CMAS: variants seen among roughly 807,000 people sequenced by gnomAD.
The protein encoded by CMAS is cytidine monophosphate N-acetylneuraminic acid synthetase, also known as N-acylneuraminate cytidylyltransferase.
CMAS carries 21 observed loss-of-function variants against 53.4 expected under a neutral mutation model. That is an observed-to-expected ratio of 0.39 (90% CI 0.28 to 0.57). The LOEUF is 0.57. Among genes scored for constraint, CMAS ranks in the 20% least tolerant of loss-of-function variants. The pLI is 0.56. For missense variants in CMAS, 384 were observed against 534.9 expected, an observed-to-expected ratio of 0.72 and a Z score of 2.78; for synonymous variants, 189 against 195.2, an observed-to-expected ratio of 0.97 and a Z score of 0.27.
At position 22,046,578 on chromosome 12, in the gene CMAS, G is replaced by C. The variant is rs1591791143; in HGVS notation, c.260+15G>C. The C allele has an allele frequency of 6.5e-7, 1 of 1,527,070 alleles. No homozygotes were observed. Among genetic ancestry groups the C allele is most frequent in the Non-Finnish European group, 8.8e-7 (1 of 1,136,954 alleles). The allele number at this position is 1,527,070 out of a possible 1,614,324, so 94.6% of individuals were successfully genotyped here. A position where few individuals can be genotyped will look rare whatever the true frequency, so the allele number is the denominator to read the frequency against. On this transcript the variant is annotated intron_variant, in intron 1 of 7. Coordinates refer to ENST00000229329, the MANE Select transcript of CMAS (RefSeq NM_018686.6). The stretch of plus-strand genomic sequence containing the variant: ...GCCTTCCAGAGGTGCGCATGTGCGA[G>C]AGTGGGCGGCGCGGCCTGGGCGGGG...
In CMAS at chr12:22,058,630, A is replaced by G. The variant is rs776078946; in HGVS notation, c.623A>G (p.Asp208Gly). 7 of 1,613,806 alleles carry G rather than the reference A, an allele frequency of 4.3e-6. No individual in the cohort carries two copies. In the South Asian group the frequency reaches 7.7e-5, roughly 18 times the overall value. Residue 208 changes from aspartate (D) to glycine (G), a missense_variant, in exon 4 of 8, where the codon GAT (aspartate) becomes GGT (glycine). By Grantham distance (94) the Asp-to-Gly change is moderately conservative. This residue lies in a region of CMAS where 139 missense variants were observed against 248.0 expected (regional missense o/e 0.56). Coordinates refer to ENST00000229329, the MANE Select transcript of CMAS (RefSeq NM_018686.6). Reference protein sequence around the residue: ...PAKRPRRQDWDGELYENGSFY... With the variant: ...PAKRPRRQDWGGELYENGSFY... The stretch of plus-strand genomic sequence containing the variant: ...AAACGGCCTCGTCGACAAGACTGGG[A>G]TGGAGAATTATATGAAAATGGCTCA...
chr12:22,061,927 A>AAGAG (rs1950310684), intron 6 of CMAS, among the ~76,000 whole-genome samples: 1 of 152,216 alleles, frequency 6.6e-6, no homozygotes, highest in Non-Finnish European at 1.5e-5. Context: ...TAAGCAGCAC[A>AAGAG]AGAGAGAGGT....
rs538123718 is a variant in CMAS at position 22,046,654 on chromosome 12, C to T, written c.260+91C>T. 1.5e-4 allele frequency: 201 copies of T among 1,352,282 alleles called. No homozygotes were observed. In the African/African-American group the frequency reaches 2.7e-3, roughly 18 times the overall value. The allele number at this position is 1,352,282 out of a possible 1,614,324, so 83.8% of individuals were successfully genotyped here. A position where few individuals can be genotyped will look rare whatever the true frequency, so the allele number is the denominator to read the frequency against. The stretch of plus-strand genomic sequence containing the variant: ...GAGGGGCTGGGGCCTCCGGGGCCAC[C>T]GCTCTTGGAAGGGGGCCATCTCTCA... On this transcript the variant is annotated intron_variant, in intron 1 of 7. Transcript: ENST00000229329.
chr12:22,051,834 CTT>C (rs1950240591), intron 1 of CMAS, among the ~76,000 whole-genome samples: 1 of 151,390 alleles, frequency 6.6e-6, no homozygotes, highest in Non-Finnish European at 1.5e-5. Flanking sequence ...GTAGATGTTA[CTT>C]TATTACCATT....
chr12:22,054,034 C>T (rs1324759446), intron 1 of CMAS, among the ~76,000 whole-genome samples: 1 of 151,628 alleles, frequency 6.6e-6, no homozygotes, highest in Non-Finnish European at 1.5e-5. Context: ...TCAAGCGATC[C>T]TCCTGTCTCA....
In CMAS at chr12:22,046,445, C is replaced by A. The variant is rs775094849; in HGVS notation, c.142C>A (p.Leu48Ile). ...GVEKPPHLAALILARGGSKGI... is the reference protein window; with the variant it reads ...GVEKPPHLAAIILARGGSKGI... ...GGAGAAGCCCCCGCACCTGGCAGCCCTAATTCTGGCCCGGGGAGGCAGCAA... is the reference window on the plus strand; with the variant it reads ...GGAGAAGCCCCCGCACCTGGCAGCCATAATTCTGGCCCGGGGAGGCAGCAA... The change falls in exon 1 of 8, where the codon CTA becomes ATA. Residue 48 changes from leucine to isoleucine, a missense_variant. Transcript: ENST00000229329. The A allele has an allele frequency of 1.4e-5, 22 of 1,609,870 alleles. No individual in the cohort carries two copies. The highest frequency in any genetic ancestry group is 2.2e-5 in the East Asian group (1 of 44,664).
chr12:22,060,712 T>C, intron 4 of CMAS, 120 bp from the exon 5 acceptor site: 1 of 597,714 alleles, frequency 1.7e-6, no homozygotes, highest in South Asian at 2.4e-5. Context: ...TGATTTTTAC[T>C]GGGTTATTCA....
intron 4 of CMAS, among the ~76,000 whole-genome samples, chr12:22,060,043 G>A (rs1356561733): frequency 1.3e-5 from 2 of 151,980 alleles, no homozygotes; most frequent in African/African-American, 2.4e-5. Context: ...CTGTACAACA[G>A]ATGCTACAGT....
chr12:22,051,294 T>C (rs1950238451), intron 1 of CMAS, among the ~76,000 whole-genome samples: 1 of 152,258 alleles, frequency 6.6e-6, no homozygotes, highest in Non-Finnish European at 1.5e-5. Context: ...CAGTGCTGTG[T>C]AAGTAAACCT....
chr12:22,063,675 A>AT (rs960923522), intron 7 of CMAS: 13 of 152,046 alleles, frequency 8.6e-5, no homozygotes, highest in African/African-American at 2.9e-4. Context: ...TTTTGCTTCT[A>AT]TTTTTTAAAA....
intron 6 of CMAS, 75 bp downstream of exon 6, chr12:22,061,527 G>T (rs1411628440): frequency 1.4e-5 from 15 of 1,075,812 alleles, no homozygotes; most frequent in Non-Finnish European, 1.7e-5. Flanking sequence ...GGAATTAAGA[G>T]ATTTAAATTT....
At chr12:22,055,023 C>T in intron 1 of CMAS, 126 bp from the exon 2 acceptor site, 2 of 579,150 alleles carry the variant, frequency 3.5e-6, no homozygotes, top group Admixed American at 3.7e-5. Flanking sequence ...GGATCTGTAA[C>T]ATTATTATCA....
chr12:22,047,963 G>A (rs1028000609), intron 1 of CMAS, among the ~76,000 whole-genome samples: 4 of 152,130 alleles, frequency 2.6e-5, no homozygotes, highest in Non-Finnish European at 5.9e-5. Context: ...AGTAAATGGA[G>A]AACAAAACTG....
chr12:22,062,257 A>G (rs1453540322), intron 6 of CMAS, 24 bp from the exon 7 acceptor site: 2 of 1,453,754 alleles, frequency 1.4e-6, no homozygotes, highest in African/African-American at 1.7e-5. Flanking sequence ...TCTTCCTCCA[A>G]TCCTTTTTTT....
At chr12:22,062,243 C>T in intron 6 of CMAS, 38 bp from the exon 7 acceptor site, 1 of 1,532,070 alleles carries the variant, frequency 6.5e-7, no homozygotes, top group South Asian at 1.2e-5. Flanking sequence ...TTTAATTTTT[C>T]CCTTCTTCCT....
At position 22,060,675 on chromosome 12, in the gene CMAS, T is replaced by A. The variant is rs993962577; in HGVS notation, c.694-157T>A. 1.1e-5 allele frequency: 6 copies of A among 524,402 alleles called. No homozygotes were observed. In the African/African-American group the frequency reaches 1.1e-4, roughly 10 times the overall value. 32.5% of individuals were successfully genotyped at this position (524,402 alleles called of 1,614,324 possible). A position where few individuals can be genotyped will look rare whatever the true frequency, so the allele number is the denominator to read the frequency against. On this transcript the variant is annotated intron_variant, in intron 4 of 7. Transcript: ENST00000229329. ...ACTCGAAAAAATAAAAAAGTAAAAA[T>A]AAATTTAAAAATCATTTTTATGTGA...
At position 22,052,839 on chromosome 12, in the gene CMAS, C is replaced by A. The variant is rs193120183; in HGVS notation, c.261-2310C>A. Among the ~76,000 whole-genome samples, 17 of 152,248 alleles carry A rather than the reference C, an allele frequency of 1.1e-4. No homozygotes were observed. In the East Asian group the frequency reaches 3.1e-3, roughly 28 times the overall value. ...CCAGTGGCTCATCTTGTTTGCTAGG[C>A]TTTCTTTGATTATTTTTTCTTACTG... is the stretch of plus-strand genomic sequence containing the variant. On this transcript the variant is annotated intron_variant, in intron 1 of 7. Coordinates refer to ENST00000229329, the MANE Select transcript of CMAS (RefSeq NM_018686.6).
intron 4 of CMAS, among the ~76,000 whole-genome samples, chr12:22,058,980 T>C (rs896942750): frequency 6.6e-6 from 1 of 152,030 alleles, no homozygotes; most frequent in African/African-American, 2.4e-5. Context: ...GTACTCATAT[T>C]ATTCCACTCA....
In CMAS at chr12:22,065,207, G is replaced by C; in HGVS notation, c.1201G>C (p.Val401Leu). ...TGCCTGTTCTACTGCCCAGAAGGCT[G>C]TTGGATACATTTGCAAATGTAATGG... is the stretch of plus-strand genomic sequence containing the variant. ...ADACSTAQKA[V>L]GYICKCNGGR... is the part of the protein sequence containing the mutation. The change falls in exon 8 of 8, where the codon GTT becomes CTT. Residue 401 changes from valine to leucine, a missense_variant. Transcript: ENST00000229329. The C allele has an allele frequency of 6.2e-7, 1 of 1,614,140 alleles. No individual in the cohort carries two copies. The highest frequency in any genetic ancestry group is 8.5e-7 in the Non-Finnish European group (1 of 1,179,976).
Sources: gnomAD v4.1 joint callset for allele counts (sites outside exome capture counted in the v4.1 genomes callset) on GRCh38, gnomAD v4.1.1 for gene constraint, gnomAD v4.1.1 regional missense constraint, MANE v1.5 for transcripts, NCBI Gene and HGNC (gene_info 2026-07-23, HGNC 2026-07-21) for gene names.